TLL2: variants seen among roughly 807,000 people sequenced by gnomAD.
The protein encoded by TLL2 is tolloid like 2, also known as tolloid-like protein 2.
In TLL2, 106 loss-of-function variants were observed where a neutral mutation model predicts 123.0. The observed-to-expected ratio is 0.86, with a 90% CI of 0.74 to 1.01. TLL2 has a LOEUF of 1.01. TLL2 is among the 50% of genes least tolerant of loss of function. The pLI is 0.00. For missense variants in TLL2, 1,332 were observed against 1,336.7 expected, an observed-to-expected ratio of 1.00 and a Z score of 0.06; for synonymous variants, 494 against 516.8, an observed-to-expected ratio of 0.96 and a Z score of 0.60.
At chr10:96,400,273 G>C (rs2134064995) in intron 10 of TLL2, among the ~76,000 whole-genome samples, 1 of 145,256 alleles carries the variant, frequency 6.9e-6, no homozygotes, top group Admixed American at 6.8e-5. Context: ...TCTCAAAGCT[G>C]TAAGTAAGAG....
At chr10:96,437,956 G>A (rs1846813088) in intron 3 of TLL2, among the ~76,000 whole-genome samples, 2 of 152,132 alleles carry the variant, frequency 1.3e-5, no homozygotes. Flanking sequence ...CTATTTCTGG[G>A]TTCTCTATTC....
chr10:96,472,757 A>T (rs1003190429), intron 2 of TLL2, among the ~76,000 whole-genome samples: 1 of 152,256 alleles, frequency 6.6e-6, no homozygotes, highest in Non-Finnish European at 1.5e-5. Context: ...TCTCAAAAAA[A>T]AGAAAAAAAG....
chr10:96,380,625 G>A (rs550086463), intron 16 of TLL2, among the ~76,000 whole-genome samples: 16 of 146,916 alleles, frequency 1.1e-4, no homozygotes, highest in East Asian at 2.0e-4. Context: ...CCCAGGAGGC[G>A]GAGCTTGCAG....
intron 7 of TLL2, among the ~76,000 whole-genome samples, chr10:96,417,654 T>C (rs917140495): frequency 9.2e-5 from 14 of 152,314 alleles, no homozygotes; most frequent in Admixed American, 7.8e-4. Flanking sequence ...CTCTTGGAAC[T>C]GTGAGTCCCC....
chr10:96,384,571 C>T lies in TLL2; in HGVS notation c.2194+16G>A, dbSNP rs760412255. ...CTCACTCGCGCTGCATCAGCCTCACCTCTGAACCCGCATACCTGAGAAGAA... is the reference window on the plus strand; with the variant it reads ...CTCACTCGCGCTGCATCAGCCTCACTTCTGAACCCGCATACCTGAGAAGAA... On this transcript the variant is annotated intron_variant, in intron 16 of 20. Transcript: ENST00000357947. The T allele has an allele frequency of 1.4e-5, 22 of 1,564,984 alleles. No individual in the cohort carries two copies. The highest frequency in any genetic ancestry group is 1.7e-5 in the Non-Finnish European group (19 of 1,149,046).
At chr10:96,438,615 A>AT (rs1323905559) in intron 3 of TLL2, among the ~76,000 whole-genome samples, 2 of 152,116 alleles carry the variant, frequency 1.3e-5, no homozygotes, top group African/African-American at 4.8e-5. Flanking sequence ...GGACAGTTTT[A>AT]TTTTTTCCTT....
intron 1 of TLL2, among the ~76,000 whole-genome samples, chr10:96,482,700 A>G (rs11188784): frequency 0.37 from 56,824 of 152,102 alleles, 10,862 homozygotes; most frequent in Middle Eastern, 0.52. Flanking sequence ...ATGAACATGC[A>G]GAAATTTGGG....
chr10:96,453,949 C>T (rs1482844137), intron 2 of TLL2, among the ~76,000 whole-genome samples: 1 of 151,856 alleles, frequency 6.6e-6, no homozygotes, highest in East Asian at 1.9e-4. Flanking sequence ...GAAACAGAGG[C>T]TTATTTTTTA....
intron 1 of TLL2, among the ~76,000 whole-genome samples, chr10:96,500,244 A>G (rs1847521943): frequency 6.6e-6 from 1 of 151,620 alleles, no homozygotes; most frequent in South Asian, 2.1e-4. Flanking sequence ...CTTGAGCCCT[A>G]GAGTTCAAGG....
intron 7 of TLL2, among the ~76,000 whole-genome samples, chr10:96,414,699 C>T (rs1374170676): frequency 6.6e-6 from 1 of 152,140 alleles, no homozygotes; most frequent in Non-Finnish European, 1.5e-5. Flanking sequence ...CCTGGGCTGT[C>T]CTATGGGCCT....
chr10:96,400,455 T>C (rs1846382495), intron 10 of TLL2, among the ~76,000 whole-genome samples: 1 of 151,934 alleles, frequency 6.6e-6, no homozygotes, highest in Non-Finnish European at 1.5e-5. Flanking sequence ...ATCTACTCTC[T>C]AGTAATGTAG....
chr10:96,392,563 A>C (rs1195731154), intron 13 of TLL2, among the ~76,000 whole-genome samples: 1 of 152,068 alleles, frequency 6.6e-6, no homozygotes, highest in Non-Finnish European at 1.5e-5. Flanking sequence ...GTGGATGGTC[A>C]GTGGTTACCA....
At chr10:96,432,160 A>G (rs1432447581) in intron 4 of TLL2, among the ~76,000 whole-genome samples, 1 of 152,226 alleles carries the variant, frequency 6.6e-6, no homozygotes, top group African/African-American at 2.4e-5. Context: ...TATCAGATAC[A>G]TACTAATTAC....
rs4917734 is a variant in TLL2, at chr10:96,365,640, C to G, written c.*2448G>C. The stretch of plus-strand genomic sequence containing the variant: ...GCAGGTCACTGATAATTGGAAGCAC[C>G]AAGGCAGAGGCCTGGGACTTTCTGC... On this transcript the variant is annotated 3_prime_UTR_variant, in exon 21 of 21. Transcript: ENST00000357947. 0.71 allele frequency: 107,584 copies of G among 152,206 alleles called. 38,317 individuals are homozygous for G. The highest frequency in any genetic ancestry group is 0.74 in the African/African-American group (30,854 of 41,504). The allele number at this position is 152,206 out of a possible 1,614,324, so 9.4% of individuals were successfully genotyped here.
intron 2 of TLL2, among the ~76,000 whole-genome samples, chr10:96,447,113 G>A: frequency 6.6e-6 from 1 of 152,206 alleles, no homozygotes; most frequent in East Asian, 1.9e-4. Flanking sequence ...TGAAAGGCAG[G>A]AATGATCTGG....
chr10:96,476,248 T>TTTTTTTTTTTTTTTTTTTTG (rs1285354320), intron 2 of TLL2, among the ~76,000 whole-genome samples: 46 of 69,216 alleles, frequency 6.6e-4, no homozygotes, highest in African/African-American at 1.4e-3. Context: ...ATATTTTATT[T>TTTTTTTTTTTTTTTTTTTTG]TTGTTGTTGT....
At chr10:96,386,920 C>T (rs374103829) in intron 14 of TLL2, 33 bp downstream of exon 14, 24 of 1,612,842 alleles carry the variant, frequency 1.5e-5, no homozygotes, top group Non-Finnish European at 1.7e-5. Flanking sequence ...CCCATATACC[C>T]TCTCATTCTA....
At chr10:96,420,084 T>G (rs1846604488) in intron 7 of TLL2, among the ~76,000 whole-genome samples, 1 of 152,196 alleles carries the variant, frequency 6.6e-6, no homozygotes, top group Non-Finnish European at 1.5e-5. Flanking sequence ...ATCTCATGTG[T>G]ATATTGGAAG....
chr10:96,379,521 C>A (rs576124705), intron 16 of TLL2, among the ~76,000 whole-genome samples: 1 of 152,266 alleles, frequency 6.6e-6, no homozygotes, highest in African/African-American at 2.4e-5. Flanking sequence ...ATCTGTCAGT[C>A]TTTACAAGTA....
Sources: allele counts gnomAD v4.1 joint callset (sites outside exome capture counted in the v4.1 genomes callset), GRCh38; gene constraint gnomAD v4.1.1; transcripts MANE v1.5; gene names NCBI Gene and HGNC (gene_info 2026-07-23, HGNC 2026-07-21).